CREBBP: variants seen among roughly 807,000 people sequenced by gnomAD.
CREBBP encodes the protein CREB-binding protein.
CREBBP carries 19 observed loss-of-function variants against 265.0 expected under a neutral mutation model. The observed-to-expected ratio is 0.07, with a 90% CI of 0.05 to 0.11. The LOEUF (loss-of-function observed/expected upper bound fraction) is 0.11. CREBBP is among the 10% of genes least tolerant of loss of function. The pLI is 1.00. For synonymous variants in CREBBP, 1,457 were observed against 1,223.7 expected (o/e 1.19, Z -3.98); for missense variants, 2,525 against 3,219.0 (o/e 0.78, Z 5.22).
chr16:3,790,662 T>C (rs993237214), intron 5 of CREBBP, among the ~76,000 whole-genome samples: 1 of 152,162 alleles, frequency 6.6e-6, no homozygotes, highest in Non-Finnish European at 1.5e-5. Flanking sequence ...GAAACTGGCT[T>C]TTAAAGGAAA....
At chr16:3,740,824 C>T (rs538516697) in intron 23 of CREBBP, 4 of 472,774 alleles carry the variant, frequency 8.5e-6, no homozygotes, top group East Asian at 4.3e-5. Flanking sequence ...AGACCTATAG[C>T]GGTGGGTCCA....
intron 11 of CREBBP, among the ~76,000 whole-genome samples, chr16:3,777,334 C>A (rs1011305051): frequency 6.0e-5 from 9 of 150,774 alleles, no homozygotes; most frequent in African/African-American, 2.2e-4. Flanking sequence ...GACTCCATCT[C>A]AAAAAAATAA....
rs1340848193 is a variant in CREBBP, at chr16:3,739,672, G to A, written c.4186C>T (p.Leu1396=). ...CCGTCAATTTCCTCAAAAGCAAACA[G>A]AGCTTTGGTTCGATATGGGAAAGAT... ...SESFPYRTKA[L]FAFEEIDGVD... The change falls in exon 25 of 31, where the codon CTG becomes TTG. Residue 1396 remains leucine, a synonymous_variant. Coordinates refer to ENST00000262367, the MANE Select transcript of CREBBP (RefSeq NM_004380.3). The A allele has an allele frequency of 6.2e-7, 1 of 1,614,094 alleles. No homozygotes were observed. The highest frequency in any genetic ancestry group is 1.3e-5 in the African/African-American group (1 of 74,928).
At chr16:3,768,139 T>TG (rs1567296482) in intron 15 of CREBBP, among the ~76,000 whole-genome samples, 2 of 91,994 alleles carry the variant, frequency 2.2e-5, no homozygotes, top group African/African-American at 6.3e-5. Context: ...TAAAAGTGTT[T>TG]TTTTTTTTTT....
At chr16:3,763,168 A>G (rs1057256078) in intron 16 of CREBBP, among the ~76,000 whole-genome samples, 5 of 141,426 alleles carry the variant, frequency 3.5e-5, no homozygotes, top group African/African-American at 5.2e-5. Context: ...ACTGAAACCA[A>G]TTTTTTTTTT....
rs567290539 is a variant in CREBBP at position 3,726,243 on chromosome 16, G to C, written c.*1475C>G. ...TCAGATTCTGGGAGTCGTGTACGGGGGGGGGGAGCCGCCTGAACACGGGAA... is the reference window on the plus strand; with the variant it reads ...TCAGATTCTGGGAGTCGTGTACGGGCGGGGGGAGCCGCCTGAACACGGGAA... On this transcript the variant is annotated 3_prime_UTR_variant, in exon 31 of 31. Transcript: ENST00000262367. The C allele has an allele frequency of 3.8e-4, 88 of 232,788 alleles. No individual in the cohort carries two copies. Among genetic ancestry groups the C allele is most frequent in the South Asian group, 5.4e-4 (3 of 5,506 alleles). 14.4% of individuals were successfully genotyped at this position (232,788 alleles called of 1,614,324 possible).
chr16:3,876,887 C>T (rs1287790959), intron 1 of CREBBP, among the ~76,000 whole-genome samples: 4 of 152,218 alleles, frequency 2.6e-5, no homozygotes, highest in Non-Finnish European at 4.4e-5. Context: ...GCATGACCTT[C>T]GGGAGTGCTG....
At chr16:3,790,827 A>G (rs2053491356) in intron 5 of CREBBP, among the ~76,000 whole-genome samples, 2 of 152,206 alleles carry the variant, frequency 1.3e-5, no homozygotes, top group Non-Finnish European at 2.9e-5. Flanking sequence ...GGCTGGACTC[A>G]GTAAAAGGAA....
At chr16:3,771,670 T>A (rs1182926695) in intron 13 of CREBBP, among the ~76,000 whole-genome samples, 1 of 151,870 alleles carries the variant, frequency 6.6e-6, no homozygotes, top group African/African-American at 2.4e-5. Context: ...AGGTGGACAC[T>A]CAGTGACTAA....
chr16:3,857,694 G>A (rs892001831), intron 1 of CREBBP, among the ~76,000 whole-genome samples: 3 of 152,136 alleles, frequency 2.0e-5, no homozygotes, highest in Non-Finnish European at 4.4e-5. Flanking sequence ...GGAGACTGTG[G>A]GCACCCTGCA....
Position 3,757,926 on chromosome 16 carries a change from G to C in CREBBP, c.3492C>G (p.Ala1164=). 6.2e-7 allele frequency: 1 copy of C among 1,614,094 alleles called. No individual in the cohort carries two copies. Residue 1164 remains alanine (A), a synonymous_variant, in exon 18 of 31, where the codon GCC becomes GCG. Transcript: ENST00000262367. ...VDDVWLMFNN[A]WLYNRKTSRV... ...GGGATGTCTTGCGATTATAGAGCCA[G>C]GCATTGTTGAACATGAGCCAGACGT...
At chr16:3,738,351 G>A (rs2052121846) in intron 26 of CREBBP, among the ~76,000 whole-genome samples, 1 of 151,800 alleles carries the variant, frequency 6.6e-6, no homozygotes, top group Admixed American at 6.6e-5. Context: ...GGAAGTAAAG[G>A]TAGGGAAAGA....
intron 2 of CREBBP, among the ~76,000 whole-genome samples, chr16:3,831,023 G>C (rs142893293): frequency 6.6e-6 from 1 of 152,272 alleles, no homozygotes; most frequent in African/African-American, 2.4e-5. Context: ...CAAGTGATCT[G>C]TCCGCCTTGG....
In CREBBP at chr16:3,757,391, G is replaced by A; in HGVS notation, c.3610-15C>T. ...GAAAACTCATACTGCAAAAATAAAG[G>A]AGAAATACTTTTATATAAAAATACA... On this transcript the variant is annotated splice_polypyrimidine_tract_variant and intron_variant, in intron 18 of 30. Transcript: ENST00000262367. 2 of 1,591,930 alleles carry A rather than the reference G, an allele frequency of 1.3e-6. No homozygotes were observed. Among genetic ancestry groups the A allele is most frequent in the African/African-American group, 1.3e-5 (1 of 74,598 alleles).
chr16:3,770,913 G>A lies in CREBBP; in HGVS notation c.2537C>T (p.Pro846Leu), dbSNP rs371282657. The A allele has an allele frequency of 5.6e-6, 9 of 1,613,826 alleles. No homozygotes were observed. In the African/African-American group the frequency reaches 1.2e-4, roughly 22 times the overall value. Residue 846 changes from proline to leucine, a missense_variant, in exon 14 of 31, where the codon CCT becomes CTT. Pro to Leu is a moderately conservative substitution (Grantham distance 98). Around this residue, in one of 19 missense-constraint regions of CREBBP, gnomAD observed 548 missense variants for 533.0 expected, o/e 1.03. Coordinates refer to ENST00000262367, the MANE Select transcript of CREBBP (RefSeq NM_004380.3). ...GTGCAGTGGTGACTGTGTCACTGGAGGGCAAGGTAGCTGGCTGGCCTGAGG... is the reference window on the plus strand; with the variant it reads ...GTGCAGTGGTGACTGTGTCACTGGAAGGCAAGGTAGCTGGCTGGCCTGAGG... ...LGPQASQLPC[P>L]PVTQSPLHPT...
rs794727551 is a variant in CREBBP at position 3,728,301 on chromosome 16, C to A, written c.6746G>T (p.Arg2249Leu). 3 of 1,611,752 alleles carry A rather than the reference C, an allele frequency of 1.9e-6. No homozygotes were observed. Among genetic ancestry groups the A allele is most frequent in the Non-Finnish European group, 2.5e-6 (3 of 1,179,538 alleles). The change falls in exon 31 of 31, where the codon CGC becomes CTC. Residue 2249 changes from arginine (R) to leucine (L), a missense_variant. Transcript: ENST00000262367. This position sits in a 1 kb window ranked among gnomAD's most constrained non-coding sequence, Gnocchi z 8.7. ...CTGGAGGGGGAGATGCTGCTGCATG[C>A]GCTGCTGCTGCTGCATGGCCGGTGG... ...GYPPAMQQQQRMQQHLPLQGS... is the reference protein window; with the variant it reads ...GYPPAMQQQQLMQQHLPLQGS...
intron 2 of CREBBP, among the ~76,000 whole-genome samples, chr16:3,848,605 G>GT (rs1395083868): frequency 1.3e-5 from 2 of 152,098 alleles, no homozygotes; most frequent in Non-Finnish European, 2.9e-5. Flanking sequence ...CTCAGTAATT[G>GT]TTAAGATTAT....
At chr16:3,833,177 C>T (rs184983646) in intron 2 of CREBBP, among the ~76,000 whole-genome samples, 95 of 152,336 alleles carry the variant, frequency 6.2e-4, no homozygotes, top group African/African-American at 2.1e-3. Flanking sequence ...CTTTGGGAGG[C>T]TGAGATGGGC....
At position 3,817,106 on chromosome 16, in the gene CREBBP, C is replaced by T. The variant is rs577109957; in HGVS notation, c.799-6327G>A. 4.6e-5 allele frequency among the ~76,000 whole-genome samples: 7 copies of T among 152,256 alleles called. No individual in the cohort carries two copies. In the South Asian group the frequency reaches 1.0e-3, roughly 23 times the overall value. ...GTCGGGCAGAACGAGAACAGGCCTT[C>T]GGAGTTGGTTTTCAGAATGGTGAAA... is the stretch of plus-strand genomic sequence containing the variant. On this transcript the variant is annotated intron_variant, in intron 2 of 30. Coordinates refer to ENST00000262367, the MANE Select transcript of CREBBP (RefSeq NM_004380.3).
Sources: gnomAD v4.1 joint callset for allele counts (sites outside exome capture counted in the v4.1 genomes callset) on GRCh38, gnomAD v4.1.1 for gene constraint, gnomAD v4.1.1 regional missense constraint, Gnocchi (gnomAD v3.1) non-coding constraint, MANE v1.5 for transcripts, NCBI Gene and HGNC (gene_info 2026-07-23, HGNC 2026-07-21) for gene names.